The following CNTLN variants were observed in gnomAD, a reference collection of about 807,000 sequenced individuals.
CNTLN encodes the protein centlein, centrosomal protein.
A neutral mutation model predicts 180.0 loss-of-function variants in CNTLN; 212 were observed. The ratio of observed to expected loss-of-function variants is 1.18; its 90% CI spans 1.05 to 1.32. The LOEUF is 1.32. Ranked by LOEUF, CNTLN falls within the 40% of genes most tolerant of loss-of-function variation. The probability of loss-of-function intolerance (pLI) is 0.00; values close to 1 mark genes in which losing one functional copy is unlikely to be tolerated. For missense variants in CNTLN, 2,095 were observed against 1,610.9 expected (o/e 1.30, Z -5.14); for synonymous variants, 722 against 563.1 (o/e 1.28, Z -3.99).
At chr9:17,331,127 A>G (rs1291725885) in intron 9 of CNTLN, among the ~76,000 whole-genome samples, 1 of 151,942 alleles carries the variant, frequency 6.6e-6, no homozygotes, top group African/African-American at 2.4e-5. Flanking sequence ...ATCTGATTAA[A>G]AATTTATTTT....
intron 6 of CNTLN, among the ~76,000 whole-genome samples, chr9:17,293,009 A>G (rs966276802): frequency 1.3e-5 from 2 of 152,122 alleles, no homozygotes; most frequent in Admixed American, 1.3e-4. Context: ...TTCTTTTGAC[A>G]TTCAGGCCCC....
chr9:17,213,214 C>T (rs967079124), intron 2 of CNTLN, among the ~76,000 whole-genome samples: 1 of 152,192 alleles, frequency 6.6e-6, no homozygotes, highest in Non-Finnish European at 1.5e-5. Context: ...TTTCCCTCTA[C>T]ACACTGCTTT....
At chr9:17,217,412 A>T (rs993809107) in intron 2 of CNTLN, among the ~76,000 whole-genome samples, 14 of 152,248 alleles carry the variant, frequency 9.2e-5, no homozygotes, top group Admixed American at 5.9e-4. Context: ...CAAAATATTG[A>T]CATGATAATT....
At chr9:17,474,176 T>C (rs2499050) in intron 23 of CNTLN, among the ~76,000 whole-genome samples, 144,642 of 152,232 alleles carry the variant, frequency 0.95, 69,207 homozygotes, top group East Asian at 1. Flanking sequence ...TCATCCTGTC[T>C]TTGAAACTAT....
chr9:17,386,467 G>A (rs538352532), intron 13 of CNTLN, among the ~76,000 whole-genome samples: 2 of 152,234 alleles, frequency 1.3e-5, no homozygotes, highest in African/African-American at 4.8e-5. Flanking sequence ...TCTACCATAG[G>A]AAAGAAATAG....
intron 6 of CNTLN, among the ~76,000 whole-genome samples, chr9:17,283,521 A>T (rs992781946): frequency 1.3e-5 from 2 of 152,152 alleles, no homozygotes; most frequent in Non-Finnish European, 2.9e-5. Flanking sequence ...TTTTCTAGAT[A>T]TAGAATCATG....
intron 18 of CNTLN, among the ~76,000 whole-genome samples, chr9:17,425,088 A>G (rs1441756547): frequency 1.3e-5 from 2 of 152,158 alleles, no homozygotes; most frequent in Non-Finnish European, 2.9e-5. Flanking sequence ...AACCTTTATC[A>G]TTCATTTATA....
At chr9:17,324,414 A>T (rs1183791847) in intron 8 of CNTLN, among the ~76,000 whole-genome samples, 3 of 152,198 alleles carry the variant, frequency 2.0e-5, no homozygotes, top group East Asian at 3.8e-4. Context: ...TAGAAAAATC[A>T]GTCTTTTCAT....
chr9:17,234,470 A>G (rs1825013447), intron 3 of CNTLN, among the ~76,000 whole-genome samples: 1 of 152,116 alleles, frequency 6.6e-6, no homozygotes, highest in Non-Finnish European at 1.5e-5. Context: ...ACTAAATAAA[A>G]TAGAATATTG....
At chr9:17,398,158 T>A (rs560528377) in intron 15 of CNTLN, among the ~76,000 whole-genome samples, 44 of 152,258 alleles carry the variant, frequency 2.9e-4, no homozygotes, top group African/African-American at 9.4e-4. Context: ...GGAGGAGGTG[T>A]TTATATCTTC....
chr9:17,213,047 C>T (rs944170735), intron 2 of CNTLN, among the ~76,000 whole-genome samples: 1 of 152,132 alleles, frequency 6.6e-6, no homozygotes, highest in Non-Finnish European at 1.5e-5. Context: ...TTTTGTGTCT[C>T]TATCTCCTTC....
chr9:17,295,616 G>C lies in CNTLN; in HGVS notation c.984-2574G>C, dbSNP rs529601657. Among the ~76,000 whole-genome samples, 11 of 152,240 alleles carry C rather than the reference G, an allele frequency of 7.2e-5. No individual in the cohort carries two copies. In the East Asian group the frequency reaches 2.1e-3, roughly 30 times the overall value. ...TGGTGGGGGGCCTCCGACCACAGCT[G>C]TTTCTAGTCGGCCATCTTGGCCCGC... is the stretch of plus-strand genomic sequence containing the variant. On this transcript the variant is annotated intron_variant, in intron 6 of 25. Transcript: ENST00000380647.
intron 2 of CNTLN, among the ~76,000 whole-genome samples, chr9:17,198,038 T>A (rs1822249070): frequency 1.3e-5 from 2 of 152,162 alleles, no homozygotes; most frequent in South Asian, 4.1e-4. Flanking sequence ...TGACAATGAG[T>A]TCACTGTAGA....
intron 18 of CNTLN, among the ~76,000 whole-genome samples, chr9:17,431,288 A>C (rs1829405505): frequency 6.6e-6 from 1 of 152,008 alleles, no homozygotes; most frequent in Non-Finnish European, 1.5e-5. Context: ...TTGATTTGCA[A>C]ATCAGTTATG....
At chr9:17,224,553 C>G (rs946229779) in intron 2 of CNTLN, among the ~76,000 whole-genome samples, 1 of 151,974 alleles carries the variant, frequency 6.6e-6, no homozygotes, top group Non-Finnish European at 1.5e-5. Context: ...TTTAATCTCA[C>G]TATTTTCCTG....
At chr9:17,137,164 C>T (rs1299005111) in intron 1 of CNTLN, among the ~76,000 whole-genome samples, 1 of 152,180 alleles carries the variant, frequency 6.6e-6, no homozygotes, top group African/African-American at 2.4e-5. Flanking sequence ...AAATGATTGA[C>T]ATACTCTTGG....
chr9:17,230,274 T>C (rs1240617244), intron 3 of CNTLN, among the ~76,000 whole-genome samples: 1 of 152,216 alleles, frequency 6.6e-6, no homozygotes, highest in Non-Finnish European at 1.5e-5. Context: ...GTTTACATGT[T>C]GTTAGGTTAC....
At chr9:17,204,741 C>T (rs1331921120) in intron 2 of CNTLN, among the ~76,000 whole-genome samples, 3 of 152,202 alleles carry the variant, frequency 2.0e-5, no homozygotes, top group Admixed American at 6.5e-5. Context: ...CTGCTCTCTT[C>T]AGAGTTGGCA....
intron 5 of CNTLN, among the ~76,000 whole-genome samples, chr9:17,252,212 C>T (rs936911253): frequency 4.6e-5 from 7 of 151,790 alleles, no homozygotes; most frequent in Non-Finnish European, 1.0e-4. Flanking sequence ...TTGCAGCAAC[C>T]TATCTCTTTG....
Sources: gnomAD v4.1 joint callset for allele counts (sites outside exome capture counted in the v4.1 genomes callset) on GRCh38, gnomAD v4.1.1 for gene constraint, MANE v1.5 for transcripts, NCBI Gene and HGNC (gene_info 2026-07-23, HGNC 2026-07-21) for gene names.